CDH12: variants seen among roughly 807,000 people sequenced by gnomAD.
The protein encoded by CDH12 is cadherin-12.
Under a neutral mutation model 74.1 loss-of-function variants are expected in CDH12, and 41 were observed. The ratio of observed to expected loss-of-function variants is 0.55; its 90% CI spans 0.43 to 0.72. The LOEUF is 0.72. Among genes scored for constraint, CDH12 ranks in the 30% least tolerant of loss-of-function variants. CDH12 has a pLI of 0.00. For missense variants in CDH12, 945 were observed against 977.2 expected, an observed-to-expected ratio of 0.97 and a Z score of 0.44; for synonymous variants, 399 against 355.0, an observed-to-expected ratio of 1.12 and a Z score of -1.39.
At chr5:22,360,612 C>G (rs1379677148) in intron 3 of CDH12, among the ~76,000 whole-genome samples, 1 of 152,086 alleles carries the variant, frequency 6.6e-6, no homozygotes, top group Non-Finnish European at 1.5e-5. Flanking sequence ...CAAAGCCTGG[C>G]AGAGACACAA....
chr5:22,105,703 A>G (rs1342943755), intron 4 of CDH12, among the ~76,000 whole-genome samples: 1 of 150,980 alleles, frequency 6.6e-6, no homozygotes, highest in Non-Finnish European at 1.5e-5. Flanking sequence ...GTTAAAAAAT[A>G]AAATAAAATA....
intron 9 of CDH12, among the ~76,000 whole-genome samples, chr5:21,805,677 T>G (rs1747388656): frequency 6.6e-6 from 1 of 152,114 alleles, no homozygotes; most frequent in Non-Finnish European, 1.5e-5. Context: ...TTAATTGAAT[T>G]TACCTACACA....
At chr5:22,013,413 G>A (rs999281889) in intron 5 of CDH12, among the ~76,000 whole-genome samples, 2 of 152,170 alleles carry the variant, frequency 1.3e-5, no homozygotes, top group African/African-American at 4.8e-5. Context: ...TATAATTCAA[G>A]ATGAGATTTG....
At chr5:22,850,239 A>G (rs1248602161) in intron 1 of CDH12, among the ~76,000 whole-genome samples, 1 of 152,060 alleles carries the variant, frequency 6.6e-6, no homozygotes, top group Admixed American at 6.5e-5. Flanking sequence ...GATATTCAAT[A>G]CAGGCAGCAT....
chr5:21,982,916 A>AT (rs202105009), intron 5 of CDH12, among the ~76,000 whole-genome samples: 22 of 151,756 alleles, frequency 1.4e-4, no homozygotes, highest in South Asian at 4.2e-4. Context: ...TTATTTATGT[A>AT]TTTTTTTAAT....
At chr5:22,194,308 C>CTTTTTTTTTTTTTTTTT (rs59899245) in intron 4 of CDH12, among the ~76,000 whole-genome samples, 44 of 139,820 alleles carry the variant, frequency 3.1e-4, no homozygotes, top group Middle Eastern at 3.7e-3. Context: ...CTTTTTCTTT[C>CTTTTTTTTTTTTTTTTT]TTTTTTTTTT....
intron 1 of CDH12, among the ~76,000 whole-genome samples, chr5:22,852,049 C>T (rs553772550): frequency 2.6e-5 from 4 of 152,116 alleles, no homozygotes; most frequent in Non-Finnish European, 5.9e-5. Flanking sequence ...ACTGTAAACA[C>T]ATTTTCAGAA....
At chr5:22,519,963 TG>T (rs1209853259) in intron 1 of CDH12, among the ~76,000 whole-genome samples, 1 of 152,208 alleles carries the variant, frequency 6.6e-6, no homozygotes, top group African/African-American at 2.4e-5. Context: ...ATAATAGACT[TG>T]TTTTTTTTCT....
chr5:22,243,527 A>G (rs928725306), intron 3 of CDH12, among the ~76,000 whole-genome samples: 9 of 152,192 alleles, frequency 5.9e-5, no homozygotes, highest in African/African-American at 2.2e-4. Flanking sequence ...AAGGAAATAA[A>G]CAAAAAAAGG....
chr5:21,886,150 T>C (rs1328582264), intron 6 of CDH12, among the ~76,000 whole-genome samples: 1 of 152,156 alleles, frequency 6.6e-6, no homozygotes, highest in Admixed American at 6.5e-5. Flanking sequence ...CCACTTTGAT[T>C]CTCTATTTAA....
At chr5:22,625,270 C>T (rs1376760012) in intron 1 of CDH12, among the ~76,000 whole-genome samples, 2 of 152,004 alleles carry the variant, frequency 1.3e-5, no homozygotes, top group East Asian at 1.9e-4. Flanking sequence ...CAAACCTGCA[C>T]ATTGTGCACA....
chr5:21,757,623 C>CA (rs1441431524), intron 13 of CDH12, among the ~76,000 whole-genome samples: 33 of 152,140 alleles, frequency 2.2e-4, no homozygotes, highest in Non-Finnish European at 4.1e-4. Flanking sequence ...GTAAATGGCA[C>CA]CTGAAATTTT....
chr5:22,441,378 T>G (rs1744615519), intron 2 of CDH12, among the ~76,000 whole-genome samples: 1 of 152,208 alleles, frequency 6.6e-6, no homozygotes, highest in Non-Finnish European at 1.5e-5. Flanking sequence ...TCATTGAAGA[T>G]ATTTTTTTTT....
At chr5:22,084,940 T>A (rs1444427689) in intron 4 of CDH12, among the ~76,000 whole-genome samples, 1 of 152,150 alleles carries the variant, frequency 6.6e-6, no homozygotes, top group Non-Finnish European at 1.5e-5. Context: ...ACAGAAAGCT[T>A]ATTCTGGGAG....
At chr5:22,085,807 T>C (rs1159581023) in intron 4 of CDH12, among the ~76,000 whole-genome samples, 1 of 152,232 alleles carries the variant, frequency 6.6e-6, no homozygotes, top group African/African-American at 2.4e-5. Context: ...ATTATTTTAT[T>C]TGACTTAACT....
At chr5:22,351,220 T>C (rs754572313) in intron 3 of CDH12, among the ~76,000 whole-genome samples, 6 of 152,002 alleles carry the variant, frequency 3.9e-5, no homozygotes, top group Non-Finnish European at 8.8e-5. Context: ...ATAATAATAA[T>C]GATAGAAATA....
At chr5:22,271,588 C>T (rs926385132) in intron 3 of CDH12, among the ~76,000 whole-genome samples, 8 of 152,162 alleles carry the variant, frequency 5.3e-5, no homozygotes, top group Non-Finnish European at 1.0e-4. Context: ...ACAAAGGAAT[C>T]ACTATCTATG....
chr5:22,616,890 G>A (rs1017389630), intron 1 of CDH12, among the ~76,000 whole-genome samples: 1 of 151,710 alleles, frequency 6.6e-6, no homozygotes, highest in African/African-American at 2.4e-5. Context: ...CTTACCATGG[G>A]GTCCCCCTCT....
chr5:22,747,442 A>C (rs1215193244), intron 1 of CDH12, among the ~76,000 whole-genome samples: 3 of 149,512 alleles, frequency 2.0e-5, no homozygotes, highest in Middle Eastern at 3.4e-3. Flanking sequence ...TGGGCAACAA[A>C]GTGAGACCCT....
Sources: allele counts gnomAD v4.1 joint callset (sites outside exome capture counted in the v4.1 genomes callset), GRCh38; gene constraint gnomAD v4.1.1; transcripts MANE v1.5; gene names NCBI Gene and HGNC (gene_info 2026-07-23, HGNC 2026-07-21).